Variants in LSAMP observed in about 807,000 individuals in gnomAD.
LSAMP encodes limbic system associated membrane protein, also known as limbic system-associated membrane protein.
A neutral mutation model predicts 38.6 loss-of-function variants in LSAMP; 7 were observed. The observed-to-expected ratio is 0.18, with a 90% CI of 0.10 to 0.34. The LOEUF is 0.34. Ranked by LOEUF, LSAMP falls within the 10% of genes least tolerant of loss-of-function variation. The pLI is 1.00. For missense variants in LSAMP, 313 were observed against 420.0 expected (o/e 0.75, Z 2.23); for synonymous variants, 154 against 166.8 (o/e 0.92, Z 0.59).
At chr3:116,125,754 T>C (rs9868784) in intron 1 of LSAMP, among the ~76,000 whole-genome samples, 21,782 of 152,156 alleles carry the variant, frequency 0.14, 1,819 homozygotes, top group Non-Finnish European at 0.19. Context: ...AATAAATAAA[T>C]AGAGAAAAAG....
chr3:115,956,898 T>C (rs1938472030), intron 3 of LSAMP, among the ~76,000 whole-genome samples: 1 of 152,202 alleles, frequency 6.6e-6, no homozygotes, highest in Non-Finnish European at 1.5e-5. Flanking sequence ...TACAGGCTTC[T>C]TGAAGAAGTC....
At chr3:116,147,289 A>T (rs1348440474) in intron 1 of LSAMP, among the ~76,000 whole-genome samples, 1 of 151,880 alleles carries the variant, frequency 6.6e-6, no homozygotes, top group Non-Finnish European at 1.5e-5. Context: ...TAATATTCCC[A>T]TACAATCCAT....
At chr3:115,919,784 G>A (rs1393596015) in intron 3 of LSAMP, among the ~76,000 whole-genome samples, 1 of 152,034 alleles carries the variant, frequency 6.6e-6, no homozygotes. Context: ...ACTAATTTTT[G>A]TATTTTTAGT....
At chr3:116,043,119 G>T (rs1941211515) in intron 2 of LSAMP, among the ~76,000 whole-genome samples, 1 of 152,114 alleles carries the variant, frequency 6.6e-6, no homozygotes, top group African/African-American at 2.4e-5. Flanking sequence ...CATTTGGATG[G>T]AATTTACATT....
At chr3:115,874,419 T>G (rs1358036588) in intron 3 of LSAMP, among the ~76,000 whole-genome samples, 1 of 152,124 alleles carries the variant, frequency 6.6e-6, no homozygotes, top group Non-Finnish European at 1.5e-5. Flanking sequence ...TCTCAAAAAA[T>G]TTGTTCATGC....
intron 3 of LSAMP, among the ~76,000 whole-genome samples, chr3:115,871,003 G>A (rs1285929099): frequency 2.0e-5 from 3 of 152,094 alleles, no homozygotes; most frequent in Non-Finnish European, 4.4e-5. Context: ...TCACAGGCAA[G>A]CTCCCAACAA....
At chr3:115,872,016 TATTC>T (rs1319237282) in intron 3 of LSAMP, among the ~76,000 whole-genome samples, 53 of 152,264 alleles carry the variant, frequency 3.5e-4, no homozygotes, top group African/African-American at 1.3e-3. Flanking sequence ...AGAATTAAAA[TATTC>T]ATGTCTAGTT....
chr3:115,831,193 A>G (rs568290097), intron 6 of LSAMP, among the ~76,000 whole-genome samples: 1 of 152,216 alleles, frequency 6.6e-6, no homozygotes, highest in South Asian at 2.1e-4. Flanking sequence ...TAATCTCAAC[A>G]TTTCCCAAAC....
chr3:116,167,551 T>C (rs1710090255), intron 1 of LSAMP, among the ~76,000 whole-genome samples: 1 of 152,208 alleles, frequency 6.6e-6, no homozygotes, highest in Admixed American at 6.5e-5. Context: ...TATCTATCCA[T>C]CCATTTATCC....
rs1288059833 is a variant in LSAMP, at chr3:115,804,837, C to T, written c.*5480G>A. On this transcript the variant is annotated 3_prime_UTR_variant, in exon 7 of 7. Transcript: ENST00000490035. ...ACTCCCAATTAAAAATGATTCAGTC[C>T]CTCACTTGCAATATTCAGGATAAAT... is the stretch of plus-strand genomic sequence containing the variant. 1 of 152,040 alleles carries T rather than the reference C, an allele frequency of 6.6e-6. No individual in the cohort carries two copies. Among genetic ancestry groups the T allele is most frequent in the Non-Finnish European group, 1.5e-5 (1 of 68,010 alleles). The allele number at this position is 152,040 out of a possible 1,614,324, so 9.4% of individuals were successfully genotyped here. A position where few individuals can be genotyped will look rare whatever the true frequency, so the allele number is the denominator to read the frequency against.
intron 6 of LSAMP, chr3:115,834,659 T>C (rs1934727652): frequency 1.2e-6 from 1 of 828,202 alleles, no homozygotes. Flanking sequence ...TGTATCTTTC[T>C]CATGTTTAGT....
intron 3 of LSAMP, among the ~76,000 whole-genome samples, chr3:115,970,367 G>A (rs967205536): frequency 9.2e-5 from 14 of 152,090 alleles, no homozygotes; most frequent in Admixed American, 4.6e-4. Flanking sequence ...AAACTTTAAG[G>A]TCTTATGGTT....
chr3:115,910,336 T>A (rs1559877170), intron 3 of LSAMP, among the ~76,000 whole-genome samples: 1 of 152,226 alleles, frequency 6.6e-6, no homozygotes, highest in Non-Finnish European at 1.5e-5. Context: ...ATTTCTTTGA[T>A]GTTTTATATT....
chr3:116,118,061 G>T (rs865822314), intron 1 of LSAMP, among the ~76,000 whole-genome samples: 1 of 152,056 alleles, frequency 6.6e-6, no homozygotes, highest in Non-Finnish European at 1.5e-5. Flanking sequence ...GAAAATTAAG[G>T]CTGAGATTGG....
intron 3 of LSAMP, among the ~76,000 whole-genome samples, chr3:115,888,204 C>T (rs993640169): frequency 2.0e-5 from 3 of 151,900 alleles, no homozygotes; most frequent in Non-Finnish European, 4.4e-5. Context: ...CCATTTTCTT[C>T]TCATAAACCA....
intron 1 of LSAMP, among the ~76,000 whole-genome samples, chr3:116,131,349 T>G (rs1185853302): frequency 2.6e-5 from 4 of 152,148 alleles, no homozygotes; most frequent in African/African-American, 4.8e-5. Flanking sequence ...ACTTGCTGAC[T>G]GCAGGGATGG....
At chr3:116,280,732 C>G (rs567193083) in intron 1 of LSAMP, among the ~76,000 whole-genome samples, 1 of 152,318 alleles carries the variant, frequency 6.6e-6, no homozygotes, top group African/African-American at 2.4e-5. Context: ...CTCCTTCTTT[C>G]CAACAGTCGT....
chr3:115,852,695 G>T, intron 3 of LSAMP, 78 bp from the exon 4 acceptor site: 1 of 1,311,634 alleles, frequency 7.6e-7, no homozygotes, highest in Non-Finnish European at 1.0e-6. Flanking sequence ...CTTTTTAAAA[G>T]CCATAAATCC....
At chr3:116,119,860 C>T (rs940583579) in intron 1 of LSAMP, among the ~76,000 whole-genome samples, 1 of 152,056 alleles carries the variant, frequency 6.6e-6, no homozygotes, top group African/African-American at 2.4e-5. Flanking sequence ...GGGGTTTCAG[C>T]ATCTTGGCCA....
Sources: gnomAD v4.1 joint callset for allele counts (sites outside exome capture counted in the v4.1 genomes callset) on GRCh38, gnomAD v4.1.1 for gene constraint, MANE v1.5 for transcripts, NCBI Gene and HGNC (gene_info 2026-07-23, HGNC 2026-07-21) for gene names.